Variants in CCDC3 observed in about 807,000 individuals in gnomAD.
The protein encoded by CCDC3 is coiled-coil domain containing 3, also known as coiled-coil domain-containing protein 3.
Under a neutral mutation model 21.4 loss-of-function variants are expected in CCDC3, and 24 were observed. The ratio of observed to expected loss-of-function variants is 1.12; its 90% confidence interval spans 0.81 to 1.58. The LOEUF (loss-of-function observed/expected upper bound fraction) is 1.58. Ranked by LOEUF, CCDC3 falls within the 40% of genes most tolerant of loss-of-function variation. The pLI, the probability that CCDC3 is intolerant of heterozygous loss-of-function variation, is 0.00. For synonymous variants in CCDC3, 186 were observed against 166.0 expected, an observed-to-expected ratio of 1.12 and a Z score of -0.93; for missense variants, 425 against 360.9, an observed-to-expected ratio of 1.18 and a Z score of -1.44.
chr10:13,027,954 T>C (rs191833252), intron 5 of CCDC3, among the ~76,000 whole-genome samples: 92 of 152,260 alleles, frequency 6.0e-4, no homozygotes, highest in Admixed American at 2.2e-3. Context: ...GAAACCAAGA[T>C]TGATGCTCCT....
chr10:13,057,799 G>A, intron 4 of CCDC3: 1 of 264,320 alleles, frequency 3.8e-6, no homozygotes, highest in Non-Finnish European at 7.3e-6. Context: ...AGAATCACTT[G>A]AACCCAGGGA....
At chr10:13,059,501 A>C (rs1836726911) in intron 4 of CCDC3, among the ~76,000 whole-genome samples, 1 of 152,222 alleles carries the variant, frequency 6.6e-6, no homozygotes, top group Non-Finnish European at 1.5e-5. Flanking sequence ...TGAATTTGAA[A>C]TCTTGCAGGA....
At chr10:12,958,019 G>A (rs1322559263) in intron 2 of CCDC3, among the ~76,000 whole-genome samples, 2 of 151,884 alleles carry the variant, frequency 1.3e-5, no homozygotes, top group African/African-American at 4.8e-5. Context: ...TAGAGACGGG[G>A]TTTCACCATG....
chr10:12,966,342 G>T (rs761410684), intron 2 of CCDC3, among the ~76,000 whole-genome samples: 1 of 151,702 alleles, frequency 6.6e-6, no homozygotes, highest in East Asian at 2.0e-4. Context: ...GCCTATTTAC[G>T]CTACTATCTA....
At chr10:12,963,569 TG>T (rs1162281911) in intron 2 of CCDC3, among the ~76,000 whole-genome samples, 1 of 144,106 alleles carries the variant, frequency 6.9e-6, no homozygotes, top group African/African-American at 2.6e-5. Flanking sequence ...ACTCCAGTTT[TG>T]TTTTCCGGGT....
chr10:12,912,119 CTCT>C (rs763463113), intron 2 of CCDC3, among the ~76,000 whole-genome samples: 3 of 152,014 alleles, frequency 2.0e-5, no homozygotes, highest in Non-Finnish European at 4.4e-5. Flanking sequence ...GTGTAGATAT[CTCT>C]TCGACATACT....
chr10:13,018,899 T>G (rs1183685996), intron 5 of CCDC3, among the ~76,000 whole-genome samples: 1 of 150,008 alleles, frequency 6.7e-6, no homozygotes, highest in African/African-American at 2.5e-5. Flanking sequence ...ATCATGCCGT[T>G]GCACTCCAGC....
At chr10:13,043,461 T>C (rs1254057212) in intron 5 of CCDC3, among the ~76,000 whole-genome samples, 2 of 152,004 alleles carry the variant, frequency 1.3e-5, no homozygotes, top group African/African-American at 2.4e-5. Flanking sequence ...GGCGTGGTGA[T>C]GTGCGCCTGT....
chr10:12,963,042 T>G (rs1405054703), intron 2 of CCDC3, among the ~76,000 whole-genome samples: 2 of 152,242 alleles, frequency 1.3e-5, no homozygotes, highest in African/African-American at 4.8e-5. Flanking sequence ...TGCTTTTTAT[T>G]TGGTTAAGAG....
chr10:12,969,112 C>T (rs1339541259), intron 2 of CCDC3, among the ~76,000 whole-genome samples: 1 of 152,058 alleles, frequency 6.6e-6, no homozygotes, highest in Non-Finnish European at 1.5e-5. Context: ...TACTCAATAG[C>T]ATGTAAACAA....
At chr10:13,049,841 G>T (rs1036607310) in exon 5 of CCDC3, 2 of 152,110 alleles carry the variant, frequency 1.3e-5, no homozygotes, top group Admixed American at 6.6e-5. Flanking sequence ...AATTTATCCA[G>T]GTGTGGAGAA....
chr10:13,026,147 T>C (rs115667166), intron 5 of CCDC3, among the ~76,000 whole-genome samples: 1,994 of 152,200 alleles, frequency 0.013, 35 homozygotes, highest in African/African-American at 0.045. Flanking sequence ...CACACTGTAC[T>C]CCAGCCTGTG....
At chr10:12,978,017 C>G (rs998426278) in intron 2 of CCDC3, among the ~76,000 whole-genome samples, 1 of 150,450 alleles carries the variant, frequency 6.6e-6, no homozygotes, top group Non-Finnish European at 1.5e-5. Flanking sequence ...ATTTTCCACA[C>G]TCTTTTTTTT....
chr10:12,983,169 T>TATATAC (rs1564308503), intron 2 of CCDC3, among the ~76,000 whole-genome samples: 10 of 133,408 alleles, frequency 7.5e-5, no homozygotes, highest in African/African-American at 2.8e-4. Flanking sequence ...TATATATATA[T>TATATAC]ATATAAAATC....
intron 3 of CCDC3, among the ~76,000 whole-genome samples, chr10:13,091,360 C>A (rs1354447921): frequency 6.6e-6 from 1 of 152,106 alleles, no homozygotes; most frequent in Non-Finnish European, 1.5e-5. Flanking sequence ...GAGATTAGTG[C>A]CCTCATGAAA....
At position 12,998,498 on chromosome 10, in the gene CCDC3, T is replaced by C; in HGVS notation, c.389A>G (p.Tyr130Cys). Residue 130 changes from tyrosine (Y) to cysteine (C), a missense_variant, in exon 2 of 3, where the codon TAT becomes TGT. Coordinates refer to ENST00000378825, the MANE Select transcript of CCDC3 (RefSeq NM_031455.4). ...ATTGACTCCGTGAGGCAAGAGGTTA[T>C]AATTTTCATCCATCCTAATGGAGGA... is the stretch of plus-strand genomic sequence containing the variant. Reference protein sequence around the residue: ...YFFFLRMDENYNLLPHGVNFQ... With the variant: ...YFFFLRMDENCNLLPHGVNFQ... 2 of 1,614,138 alleles carry C rather than the reference T, an allele frequency of 1.2e-6. No individual in the cohort carries two copies. Among genetic ancestry groups the C allele is most frequent in the Non-Finnish European group, 1.7e-6 (2 of 1,180,018 alleles).
intron 4 of CCDC3, among the ~76,000 whole-genome samples, chr10:13,068,301 C>T (rs1836845725): frequency 1.3e-5 from 2 of 152,004 alleles, no homozygotes; most frequent in Admixed American, 1.3e-4. Context: ...AATTTCACAG[C>T]TACTGCATTT....
intron 4 of CCDC3, among the ~76,000 whole-genome samples, chr10:13,062,584 T>C (rs2782293): frequency 0.74 from 112,170 of 152,058 alleles, 41,518 homozygotes; most frequent in Admixed American, 0.79. Context: ...AGCAAGACTC[T>C]GTCTTGTTCT....
chr10:12,923,779 C>G (rs1464964502), intron 2 of CCDC3, among the ~76,000 whole-genome samples: 3 of 152,166 alleles, frequency 2.0e-5, no homozygotes, highest in Non-Finnish European at 2.9e-5. Context: ...GGCAGGTACT[C>G]GGTACATTTT....
Sources: gnomAD v4.1 joint callset for allele counts (sites outside exome capture counted in the v4.1 genomes callset) on GRCh38, gnomAD v4.1.1 for gene constraint, MANE v1.5 for transcripts, NCBI Gene and HGNC (gene_info 2026-07-23, HGNC 2026-07-21) for gene names.